Variants in CIT observed in about 807,000 individuals in gnomAD.
CIT encodes the protein citron Rho-interacting kinase.
Under a neutral mutation model 272.7 loss-of-function variants are expected in CIT, and 79 were observed. The observed-to-expected ratio is 0.29, with a 90% CI of 0.24 to 0.35. CIT has a LOEUF of 0.35. CIT is among the 10% of genes least tolerant of loss of function. The probability of loss-of-function intolerance (pLI) is 1.00; values close to 1 mark genes in which losing one functional copy is unlikely to be tolerated. For missense variants in CIT, 1,909 were observed against 2,618.3 expected (o/e 0.73, Z 5.91); for synonymous variants, 948 against 995.6 (o/e 0.95, Z 0.90).
chr12:119,799,841 G>GGT (rs5801366), intron 10 of CIT, among the ~76,000 whole-genome samples: 1 of 146,504 alleles, frequency 6.8e-6, no homozygotes, highest in Non-Finnish European at 1.5e-5. Flanking sequence ...AACTTTATGA[G>GGT]TTTTTTTTTT....
chr12:119,766,876 T>TAA (rs36109532), intron 19 of CIT, among the ~76,000 whole-genome samples: 4 of 138,694 alleles, frequency 2.9e-5, no homozygotes, highest in Non-Finnish European at 4.7e-5. Flanking sequence ...TGACCACATT[T>TAA]AAAAAAAAAA....
intron 4 of CIT, among the ~76,000 whole-genome samples, chr12:119,850,599 T>G (rs944505845): frequency 1.3e-5 from 2 of 152,290 alleles, no homozygotes; most frequent in South Asian, 2.1e-4. Context: ...TGGTCACAAT[T>G]TTTGCCAGCT....
chr12:119,867,729 G>A lies in CIT; in HGVS notation c.238+1331C>T, dbSNP rs147590384. ...CCACCCCCAACTAGCTCTGACAACC[G>A]AAAACGTCAAATCACCCACTGGTTG... On this transcript the variant is annotated intron_variant, in intron 3 of 47. Coordinates refer to ENST00000392521, the MANE Select transcript of CIT (RefSeq NM_001206999.2). Among the ~76,000 whole-genome samples the A allele has an allele frequency of 1.7e-3, 261 of 151,684 alleles. 1 individual carries two copies. Among genetic ancestry groups the A allele is most frequent in the African/African-American group, 5.7e-3 (234 of 41,330 alleles).
chr12:119,710,475 C>G lies in CIT; in HGVS notation c.4935+65G>C. The G allele has an allele frequency of 1.2e-6, 2 of 1,612,984 alleles. No individual in the cohort carries two copies. Among genetic ancestry groups the G allele is most frequent in the East Asian group, 4.5e-5 (2 of 44,866 alleles). On this transcript the variant is annotated intron_variant, in intron 38 of 47. Coordinates refer to ENST00000392521, the MANE Select transcript of CIT (RefSeq NM_001206999.2). The surrounding 1 kb of genome is among the most constrained non-coding windows in gnomAD (Gnocchi z 5.6). ...TAAGAGCAACAAGGCCTCCACAGCC[C>G]TTTCTTTCTTGATGGGGTGTGGCTG...
Position 119,793,074 on chromosome 12 carries a change from C to A in CIT, c.1296-8009G>T, listed in dbSNP as rs981881046. Among the ~76,000 whole-genome samples the A allele has an allele frequency of 9.2e-5, 14 of 152,030 alleles. No homozygotes were observed. The East Asian group carries it at 2.7e-3, about 29-fold the overall frequency. ...CAGAGTCTGTCTAGCTTTGGGGCACCCCCCCTCCCCCACCACACACAATAT... is the reference window on the plus strand; with the variant it reads ...CAGAGTCTGTCTAGCTTTGGGGCACACCCCCTCCCCCACCACACACAATAT... On this transcript the variant is annotated intron_variant, in intron 10 of 47. Transcript: ENST00000392521.
intron 9 of CIT, among the ~76,000 whole-genome samples, chr12:119,810,511 C>T (rs1371111426): frequency 1.3e-5 from 2 of 151,692 alleles, no homozygotes; most frequent in African/African-American, 2.4e-5. Flanking sequence ...ACCAACCTGG[C>T]CAATATGGTG....
intron 10 of CIT, among the ~76,000 whole-genome samples, chr12:119,801,611 C>T (rs879307072): frequency 3.3e-5 from 5 of 152,298 alleles, no homozygotes; most frequent in African/African-American, 1.2e-4. Flanking sequence ...CCTTCCAGTA[C>T]GACGTGTGAC....
At chr12:119,795,427 C>A (rs1965649670) in intron 10 of CIT, among the ~76,000 whole-genome samples, 1 of 152,068 alleles carries the variant, frequency 6.6e-6, no homozygotes, top group South Asian at 2.1e-4. Flanking sequence ...GAAAAGTTGA[C>A]CACCCTCTGC....
intron 32 of CIT, among the ~76,000 whole-genome samples, chr12:119,715,715 G>A (rs1028820840): frequency 2.0e-5 from 3 of 152,192 alleles, no homozygotes; most frequent in African/African-American, 7.2e-5. Flanking sequence ...GAATGAAACT[G>A]TTAAAACCAT....
chr12:119,775,765 GA>G lies in CIT; in HGVS notation c.1941+20del. 6.2e-7 allele frequency: 1 copy of G among 1,608,282 alleles called. No individual in the cohort carries two copies. Among genetic ancestry groups the G allele is most frequent in the Non-Finnish European group, 8.5e-7 (1 of 1,174,966 alleles). On this transcript the variant is annotated intron_variant, in intron 16 of 47. Transcript: ENST00000392521. Reference sequence around the variant, plus strand: ...AGGAGGTGGTGGGGGGTAAGTTCCTGAAAAATCACCTTGGGCTTACCTTCTC... The same window carrying G: ...AGGAGGTGGTGGGGGGTAAGTTCCTGAAAATCACCTTGGGCTTACCTTCTC...
intron 3 of CIT, 57 bp downstream of exon 3, chr12:119,869,003 A>T: frequency 6.3e-7 from 1 of 1,594,778 alleles, no homozygotes; most frequent in Non-Finnish European, 8.5e-7. Flanking sequence ...TGCCTCAAGC[A>T]TCTTTCTAGT....
chr12:119,807,202 CA>C (rs1966661605), intron 9 of CIT, among the ~76,000 whole-genome samples: 1 of 152,138 alleles, frequency 6.6e-6, no homozygotes, highest in Non-Finnish European at 1.5e-5. Context: ...GTGTACAATG[CA>C]ACACACAGAG....
intron 20 of CIT, 49 bp from the exon 21 acceptor site, chr12:119,758,749 C>A (rs1961358928): frequency 1.6e-6 from 2 of 1,246,022 alleles, no homozygotes; most frequent in Non-Finnish European, 2.4e-6. Flanking sequence ...ACAGGAGTAA[C>A]AGGGGCAGTG....
At chr12:119,777,468 G>A (rs1365751073) in intron 13 of CIT, among the ~76,000 whole-genome samples, 6 of 151,558 alleles carry the variant, frequency 4.0e-5, no homozygotes, top group African/African-American at 1.2e-4. Flanking sequence ...TCAGGAATTC[G>A]AGACCAGCAT....
At chr12:119,807,046 C>A (rs1019335985) in intron 9 of CIT, among the ~76,000 whole-genome samples, 4 of 152,198 alleles carry the variant, frequency 2.6e-5, no homozygotes, top group African/African-American at 9.6e-5. Context: ...GGTCTACACA[C>A]TGGCATTATC....
chr12:119,734,531 T>C (rs990036802), intron 25 of CIT, 174 bp from the exon 26 acceptor site: 1 of 671,092 alleles, frequency 1.5e-6, no homozygotes, highest in Non-Finnish European at 2.6e-6. Flanking sequence ...AAGGGCCAGT[T>C]CTGCAGCCAC....
intron 5 of CIT, among the ~76,000 whole-genome samples, chr12:119,834,826 CAG>C (rs1264769390): frequency 1.3e-5 from 2 of 151,962 alleles, no homozygotes; most frequent in African/African-American, 2.4e-5. Context: ...TTGTTTGTAA[CAG>C]GGGAAAAAAA....
chr12:119,859,660 T>C (rs1332881567), intron 3 of CIT, among the ~76,000 whole-genome samples: 1 of 151,858 alleles, frequency 6.6e-6, no homozygotes, highest in Non-Finnish European at 1.5e-5. Flanking sequence ...CTACTAACAA[T>C]ACAAAAATTA....
intron 3 of CIT, among the ~76,000 whole-genome samples, chr12:119,866,500 A>T (rs1262698175): frequency 6.6e-6 from 1 of 152,158 alleles, no homozygotes; most frequent in Non-Finnish European, 1.5e-5. Flanking sequence ...TTTGTAGGCC[A>T]TTTGGTCTCT....
Sources: allele counts gnomAD v4.1 joint callset (sites outside exome capture counted in the v4.1 genomes callset), GRCh38; gene constraint gnomAD v4.1.1; non-coding constraint Gnocchi (gnomAD v3.1); transcripts MANE v1.5; gene names NCBI Gene and HGNC (gene_info 2026-07-23, HGNC 2026-07-21).